The following SCN11A variants were observed in gnomAD, a reference collection of about 807,000 sequenced individuals.
The protein encoded by SCN11A is sodium channel protein type 11 subunit alpha.
Under a neutral mutation model 162.2 loss-of-function variants are expected in SCN11A, and 122 were observed. That is an observed-to-expected ratio of 0.75 (90% CI 0.65 to 0.87). The LOEUF (loss-of-function observed/expected upper bound fraction) is 0.87. Among genes scored for constraint, SCN11A ranks in the 40% least tolerant of loss-of-function variants. SCN11A has a pLI of 0.00. For synonymous variants in SCN11A, 758 were observed against 751.5 expected (o/e 1.01, Z -0.14); for missense variants, 2,015 against 2,181.6 (o/e 0.92, Z 1.52).
intron 9 of SCN11A, among the ~76,000 whole-genome samples, chr3:38,922,136 T>C (rs2066063426): frequency 6.6e-6 from 1 of 152,158 alleles, no homozygotes; most frequent in Admixed American, 6.5e-5. Context: ...CAGATGTAAT[T>C]GAAAGGCATG....
chr3:39,037,067 T>TC (rs1370689867), intron 1 of SCN11A, among the ~76,000 whole-genome samples: 1 of 152,198 alleles, frequency 6.6e-6, no homozygotes, highest in Non-Finnish European at 1.5e-5. Flanking sequence ...AGATTTGGAA[T>TC]CAACCTAAGT....
At chr3:39,027,898 C>T (rs2031630809) in intron 2 of SCN11A, among the ~76,000 whole-genome samples, 1 of 152,210 alleles carries the variant, frequency 6.6e-6, no homozygotes, top group South Asian at 2.1e-4. Context: ...GGACTAGCTG[C>T]ATCCCTCTCA....
intron 3 of SCN11A, among the ~76,000 whole-genome samples, chr3:38,958,937 AAGGTCAG>A: frequency 6.6e-6 from 1 of 152,328 alleles, no homozygotes; most frequent in East Asian, 1.9e-4. Flanking sequence ...CCTTCTCTTT[AAGGTCAG>A]AGGCTTTAAC....
chr3:39,040,385 T>C (rs1427917334), intron 1 of SCN11A, among the ~76,000 whole-genome samples: 2 of 152,168 alleles, frequency 1.3e-5, no homozygotes, highest in East Asian at 1.9e-4. Context: ...AAAAAGTCTT[T>C]CCCAATGAAA....
chr3:38,968,801 AT>A (rs1218896844), intron 2 of SCN11A, among the ~76,000 whole-genome samples: 5 of 152,226 alleles, frequency 3.3e-5, no homozygotes, highest in African/African-American at 1.2e-4. Context: ...CAGTTTCTTC[AT>A]CTAGAAAATG....
At chr3:38,849,400 T>C (rs1328800380) in intron 29 of SCN11A, 1 of 151,726 alleles carries the variant, frequency 6.6e-6, no homozygotes, top group Non-Finnish European at 1.5e-5. Context: ...ATTAACATCA[T>C]GGCTTAGAAA....
chr3:38,907,155 C>G (rs1044230488), intron 14 of SCN11A, among the ~76,000 whole-genome samples: 2 of 151,812 alleles, frequency 1.3e-5, no homozygotes, highest in African/African-American at 4.8e-5. Context: ...GGTTTTCCCA[C>G]CCATATGTCC....
chr3:38,928,281 C>T (rs1183710458), intron 7 of SCN11A, among the ~76,000 whole-genome samples: 2 of 152,088 alleles, frequency 1.3e-5, no homozygotes, highest in South Asian at 2.1e-4. Flanking sequence ...CAACAGAAAA[C>T]CAAACACTGC....
intron 28 of SCN11A, among the ~76,000 whole-genome samples, chr3:38,856,139 T>C (rs1222836249): frequency 1.3e-5 from 2 of 152,132 alleles, no homozygotes; most frequent in African/African-American, 2.4e-5. Context: ...GCTGGCACAG[T>C]AGGGAAAGTC....
At chr3:38,968,922 T>C (rs969364727) in intron 2 of SCN11A, among the ~76,000 whole-genome samples, 21 of 152,236 alleles carry the variant, frequency 1.4e-4, no homozygotes, top group African/African-American at 4.3e-4. Flanking sequence ...GTTGTGGTAA[T>C]AGTATTTATA....
chr3:38,983,728 G>C (rs1023013186), intron 2 of SCN11A, among the ~76,000 whole-genome samples: 2 of 152,146 alleles, frequency 1.3e-5, no homozygotes, highest in Non-Finnish European at 2.9e-5. Context: ...CTAGTCCTTT[G>C]ACCATCATGA....
intron 2 of SCN11A, among the ~76,000 whole-genome samples, chr3:38,969,073 A>ATT (rs2066801145): frequency 6.6e-6 from 1 of 152,058 alleles, no homozygotes; most frequent in Non-Finnish European, 1.5e-5. Flanking sequence ...TTGCTGACTT[A>ATT]TTTGTGCAGG....
chr3:39,043,349 A>G (rs1311402427), intron 1 of SCN11A, among the ~76,000 whole-genome samples: 1 of 152,226 alleles, frequency 6.6e-6, no homozygotes. Flanking sequence ...AGTATATCAA[A>G]GAGACATTTG....
intron 18 of SCN11A, 64 bp downstream of exon 18, chr3:38,896,781 G>T: frequency 7.8e-7 from 1 of 1,279,632 alleles, no homozygotes; most frequent in Admixed American, 2.7e-5. Context: ...TGCAAATGAA[G>T]TAATGCATTT....
intron 1 of SCN11A, among the ~76,000 whole-genome samples, chr3:39,037,608 C>T (rs982471060): frequency 3.3e-5 from 5 of 152,042 alleles, no homozygotes; most frequent in African/African-American, 1.2e-4. Context: ...AATATATATA[C>T]ATCTACTATA....
chr3:38,929,454 A>G (rs569887328), intron 7 of SCN11A, among the ~76,000 whole-genome samples: 1 of 152,316 alleles, frequency 6.6e-6, no homozygotes, highest in South Asian at 2.1e-4. Flanking sequence ...TGCAAGATGA[A>G]AAGAGTTCTG....
At chr3:38,896,343 C>A (rs2065597430) in intron 18 of SCN11A, among the ~76,000 whole-genome samples, 1 of 152,190 alleles carries the variant, frequency 6.6e-6, no homozygotes, top group Non-Finnish European at 1.5e-5. Context: ...GATTGCACAG[C>A]AGTCCTGGAT....
At position 38,846,916 on chromosome 3, in the gene SCN11A, C is replaced by T. The variant is rs267599809; in HGVS notation, c.5154G>A (p.Lys1718=). The change falls in exon 30 of 30, where the codon AAG becomes AAA. Residue 1718 remains lysine (K), a synonymous_variant. Transcript: ENST00000302328. ...EEKFMEANPL[K]KLYEPIVTTT... is the part of the protein sequence containing the mutation. ...TGGTGACTATGGGTTCATACAACTT[C>T]TTGAGAGGATTGGCTTCCATGAACT... 1.9e-6 allele frequency: 3 copies of T among 1,613,994 alleles called. No individual in the cohort carries two copies. The highest frequency in any genetic ancestry group is 1.7e-6 in the Non-Finnish European group (2 of 1,180,012).
At position 38,922,531 on chromosome 3, in the gene SCN11A, G is replaced by A. The variant is rs182168795; in HGVS notation, c.713-1276C>T. 3.3e-4 allele frequency among the ~76,000 whole-genome samples: 51 copies of A among 152,316 alleles called. No individual in the cohort carries two copies. The East Asian group carries it at 7.5e-3, about 22-fold the overall frequency. On this transcript the variant is annotated intron_variant, in intron 9 of 29. Transcript: ENST00000302328. ...CAAAATAGAGACTATATTCACCTGT[G>A]TGGAGATGAAGACGGGGACATGAAA...
Sources: allele counts gnomAD v4.1 joint callset (sites outside exome capture counted in the v4.1 genomes callset), GRCh38; gene constraint gnomAD v4.1.1; transcripts MANE v1.5; gene names NCBI Gene and HGNC (gene_info 2026-07-23, HGNC 2026-07-21).